Variants in MUC5B observed in about 807,000 individuals in gnomAD.
MUC5B encodes mucin-5B.
Under a neutral mutation model 376.9 loss-of-function variants are expected in MUC5B, and 116 were observed. The ratio of observed to expected loss-of-function variants is 0.31; its 90% confidence interval spans 0.26 to 0.36. The LOEUF is 0.36. MUC5B is among the 10% of genes least tolerant of loss of function. The pLI, the probability that MUC5B is intolerant of heterozygous loss-of-function variation, is 1.00. For missense variants in MUC5B, 7,165 were observed against 7,769.9 expected, an observed-to-expected ratio of 0.92 and a Z score of 2.93; for synonymous variants, 3,517 against 3,390.9, an observed-to-expected ratio of 1.04 and a Z score of -1.29.
rs989785199 is a variant in MUC5B at position 1,252,374 on chromosome 11, C to G, written c.14895C>G (p.Ala4965=). 3.2e-6 allele frequency: 5 copies of G among 1,585,148 alleles called. No individual in the cohort carries two copies. The highest frequency in any genetic ancestry group is 4.3e-6 in the Non-Finnish European group (5 of 1,165,920). The stretch of plus-strand genomic sequence containing the variant: ...TCATCTACAATAAGACCGACCGAGC[C>G]GGCTGCCATTTCTACGCAGTGTGCA... ...GEVIYNKTDR[A]GCHFYAVCNQ... Residue 4965 remains alanine (A), a synonymous_variant, in exon 32 of 49, where the codon GCC becomes GCG. Coordinates refer to ENST00000529681, the MANE Select transcript of MUC5B (RefSeq NM_002458.3).
chr11:1,247,036 A>G lies in MUC5B; in HGVS notation c.10156A>G (p.Thr3386Ala). The change falls in exon 31 of 49, where the codon ACT becomes GCT. Residue 3386 changes from threonine to alanine, a missense_variant. Thr to Ala is a moderately conservative substitution (Grantham distance 58). Coordinates refer to ENST00000529681, the MANE Select transcript of MUC5B (RefSeq NM_002458.3). ...TPSSSTQTSG[T>A]PPSLTTTATT... Reference sequence around the variant, plus strand: ...CTCCTCTAGCACACAGACCAGTGGTACTCCCCCATCACTGACCACCACGGC... The same window carrying G: ...CTCCTCTAGCACACAGACCAGTGGTGCTCCCCCATCACTGACCACCACGGC... 6.4e-7 allele frequency: 1 copy of G among 1,551,880 alleles called. No individual in the cohort carries two copies. Among genetic ancestry groups the G allele is most frequent in the Non-Finnish European group, 8.7e-7 (1 of 1,147,750 alleles).
rs748514926 is a variant in MUC5B at position 1,259,772 on chromosome 11, G to T, written c.16730G>T (p.Arg5577Ile). The T allele has an allele frequency of 2.9e-5, 46 of 1,612,450 alleles. No individual in the cohort carries two copies. Among genetic ancestry groups the T allele is most frequent in the Non-Finnish European group, 3.6e-5 (43 of 1,179,678 alleles). The change falls in exon 45 of 49, where the codon AGA (arginine) becomes ATA (isoleucine). Residue 5577 changes from arginine (R) to isoleucine (I), a missense_variant. By Grantham distance (97) the Arg-to-Ile change is moderately conservative (BLOSUM62 -3). This residue lies in a region of MUC5B where 842 missense variants were observed against 1,016.9 expected (regional missense o/e 0.83). Coordinates refer to ENST00000529681, the MANE Select transcript of MUC5B (RefSeq NM_002458.3). ...TCCCCACAGGGCTTTGAGTACAAGA[G>T]AGTGGCCGGGCAGTGCTGTGGGGAG... The part of the protein sequence containing the change: ...TTCPQGFEYK[R>I]VAGQCCGECV...
Position 1,251,579 on chromosome 11 carries a change from T to C in MUC5B, c.14699T>C (p.Val4900Ala). Reference protein sequence around the residue: ...TASTVPSSSTVGTTRTPAVLP... With the variant: ...TASTVPSSSTAGTTRTPAVLP... ...TCCACGGTTCCCAGCTCGTCCACCGTGGGGACCACCCGCACCCCTGCAGTG... is the reference window on the plus strand; with the variant it reads ...TCCACGGTTCCCAGCTCGTCCACCGCGGGGACCACCCGCACCCCTGCAGTG... The change falls in exon 31 of 49, where the codon GTG (valine) becomes GCG (alanine). Residue 4900 changes from valine to alanine, a missense_variant. Coordinates refer to ENST00000529681, the MANE Select transcript of MUC5B (RefSeq NM_002458.3). 6.2e-7 allele frequency: 1 copy of C among 1,612,870 alleles called. No homozygotes were observed. Among genetic ancestry groups the C allele is most frequent in the Non-Finnish European group, 8.5e-7 (1 of 1,179,782 alleles).
intron 48 of MUC5B, 98 bp from the exon 49 acceptor site, chr11:1,261,291 G>A (rs745918689): frequency 7.1e-5 from 78 of 1,101,334 alleles, no homozygotes; most frequent in South Asian, 2.1e-4. Flanking sequence ...GGGGGCGGCC[G>A]TCTGGCCCAG....
chr11:1,255,108 G>C lies in MUC5B; in HGVS notation c.15732G>C (p.Lys5244Asn). ...ACGGAACCACTGCCGCCAGTTGCAA[G>C]GACATGGCCAAGACGTGGCTGGTCC... ...QRDGTTAASC[K>N]DMAKTWLVPD... The change falls in exon 36 of 49, where the codon AAG becomes AAC. Residue 5244 changes from lysine to asparagine, a missense_variant. Transcript: ENST00000529681. 1 of 1,589,042 alleles carries C rather than the reference G, an allele frequency of 6.3e-7. No homozygotes were observed. The highest frequency in any genetic ancestry group is 8.6e-7 in the Non-Finnish European group (1 of 1,168,962).
rs777275907 is a variant in MUC5B, at chr11:1,227,012, G to A, written c.462-19G>A. ...GCCAGGAGAGCGGGGCCCAGGGAGA[G>A]ACCCCGCTGTCTGCGCAGGGAGGAG... On this transcript the variant is annotated intron_variant, in intron 4 of 48. Transcript: ENST00000529681. 2.5e-6 allele frequency: 4 copies of A among 1,597,158 alleles called. No individual in the cohort carries two copies. Among genetic ancestry groups the A allele is most frequent in the Non-Finnish European group, 3.4e-6 (4 of 1,171,080 alleles).
At position 1,241,955 on chromosome 11, in the gene MUC5B, C is replaced by T. The variant is rs201139728; in HGVS notation, c.5075C>T (p.Thr1692Ile). 5 of 1,605,304 alleles carry T rather than the reference C, an allele frequency of 3.1e-6. No homozygotes were observed. The highest frequency in any genetic ancestry group is 4.3e-6 in the Non-Finnish European group (5 of 1,176,292). The change falls in exon 31 of 49, where the codon ACC becomes ATC. Residue 1692 changes from threonine (T) to isoleucine (I), a missense_variant. This residue lies in a region of MUC5B where 897 missense variants were observed against 779.6 expected (regional missense o/e 1.15). Transcript: ENST00000529681. The stretch of plus-strand genomic sequence containing the variant: ...ACTGTCCCAGGGGTGGCCACATCCA[C>T]CCTTCCAACACGCTCAGCCCTTCCA... ...EPTVPGVATS[T>I]LPTRSALPGT...
intron 17 of MUC5B, 92 bp downstream of exon 17, chr11:1,232,862 A>C (rs908231354): frequency 2.7e-6 from 4 of 1,477,008 alleles, no homozygotes; most frequent in African/African-American, 2.8e-5. Context: ...CACGGTTCTC[A>C]GCCCAGAGCT....
Position 1,257,629 on chromosome 11 carries a change from C to T in MUC5B, c.16369C>T (p.Pro5457Ser), listed in dbSNP as rs750155843. The change falls in exon 41 of 49, where the codon CCC (proline) becomes TCC (serine). Residue 5457 changes from proline (P) to serine (S), a missense_variant. Physicochemically the swap from Pro to Ser is moderately conservative, Grantham distance 74 (BLOSUM62 -1). Coordinates refer to ENST00000529681, the MANE Select transcript of MUC5B (RefSeq NM_002458.3). The surrounding 1 kb of genome is among the most constrained non-coding windows in gnomAD (Gnocchi z 8.9). ...CCTGCCCTGTGACGCCCAGGGTCAG[C>T]CCCCGCCGTGCAACCGTCCCGGCTT... is the stretch of plus-strand genomic sequence containing the variant. ...KPLPCDAQGQPPPCNRPGFVT... is the reference protein window; with the variant it reads ...KPLPCDAQGQSPPCNRPGFVT... 3.1e-6 allele frequency: 5 copies of T among 1,600,612 alleles called. No homozygotes were observed. The highest frequency in any genetic ancestry group is 2.2e-5 in the South Asian group (2 of 90,632).
At chr11:1,260,167 G>A in intron 46 of MUC5B, 82 bp downstream of exon 46, 4 of 1,541,640 alleles carry the variant, frequency 2.6e-6, no homozygotes, top group Non-Finnish European at 2.6e-6. Context: ...GCCCTGCACA[G>A]CAGGGAGGCC....
Position 1,241,199 on chromosome 11 carries a change from C to T in MUC5B, c.4319C>T (p.Thr1440Ile). The part of the protein sequence containing the change: ...VPCGPSPAPG[T>I]SPQPSLSAST... ...TGTGGCCCCTCCCCGGCCCCAGGCA[C>T]CAGCCCTCAGCCCTCCCTCAGTGCC... Residue 1440 changes from threonine to isoleucine, a missense_variant, in exon 31 of 49, where the codon ACC (threonine) becomes ATC (isoleucine). Coordinates refer to ENST00000529681, the MANE Select transcript of MUC5B (RefSeq NM_002458.3). 4 of 1,594,522 alleles carry T rather than the reference C, an allele frequency of 2.5e-6. No individual in the cohort carries two copies. Among genetic ancestry groups the T allele is most frequent in the Non-Finnish European group, 3.4e-6 (4 of 1,170,942 alleles).
At chr11:1,232,240 C>A in intron 15 of MUC5B, 80 bp downstream of exon 15, 2 of 1,469,708 alleles carry the variant, frequency 1.4e-6, no homozygotes, top group South Asian at 1.4e-5. Context: ...GCCACGGGGA[C>A]CCCTGGGTGG....
At position 1,248,640 on chromosome 11, in the gene MUC5B, C is replaced by T. The variant is rs1322895740; in HGVS notation, c.11760C>T (p.Thr3920=). 6.4e-7 allele frequency: 1 copy of T among 1,570,210 alleles called. No homozygotes were observed. The highest frequency in any genetic ancestry group is 1.4e-5 in the African/African-American group (1 of 73,930). The change falls in exon 31 of 49, where the codon ACC becomes ACT. Residue 3920 remains threonine, a synonymous_variant. Coordinates refer to ENST00000529681, the MANE Select transcript of MUC5B (RefSeq NM_002458.3). The part of the protein sequence containing the change: ...PGTTHTPTVL[T]TTTTTVATGS... ...CCACCCACACCCCCACAGTGCTGACCACCACCACCACAACTGTGGCCACTG... is the reference window on the plus strand; with the variant it reads ...CCACCCACACCCCCACAGTGCTGACTACCACCACCACAACTGTGGCCACTG...
intron 35 of MUC5B, 32 bp downstream of exon 35, chr11:1,254,912 G>T: frequency 6.3e-7 from 1 of 1,594,144 alleles, no homozygotes; most frequent in Non-Finnish European, 8.5e-7. Context: ...CCCCGGCCAG[G>T]GCTGCTGCTG....
rs1230839756 is a variant in MUC5B at position 1,250,367 on chromosome 11, C to T, written c.13487C>T (p.Thr4496Ile). ...TTPTVTSSKA[T>I]PSSSPGTATA... ...CCCACAGTCACCAGCTCCAAAGCCACTCCCTCCTCCAGTCCAGGGACTGCA... is the reference window on the plus strand; with the variant it reads ...CCCACAGTCACCAGCTCCAAAGCCATTCCCTCCTCCAGTCCAGGGACTGCA... The change falls in exon 31 of 49, where the codon ACT (threonine) becomes ATT (isoleucine). Residue 4496 changes from threonine to isoleucine, a missense_variant. By Grantham distance (89) the Thr-to-Ile change is moderately conservative. Transcript: ENST00000529681. The T allele has an allele frequency of 3.7e-6, 6 of 1,613,590 alleles. No homozygotes were observed. The highest frequency in any genetic ancestry group is 5.1e-6 in the Non-Finnish European group (6 of 1,179,734).
rs56726556 is a variant in MUC5B at position 1,243,401 on chromosome 11, A to G, written c.6521A>G (p.Asn2174Ser). Residue 2174 changes from asparagine to serine, a missense_variant, in exon 31 of 49, where the codon AAC (asparagine) becomes AGC (serine). Asn to Ser is a conservative substitution (Grantham distance 46, BLOSUM62 1). Around this residue, in one of 31 missense-constraint regions of MUC5B, gnomAD observed 67 missense variants for 103.0 expected, o/e 0.65. Transcript: ENST00000529681. ...TTATTPAATS[N>S]TVTPSSALGT... Reference sequence around the variant, plus strand: ...GCCACCACACCTGCAGCCACCAGCAACACAGTGACTCCCTCCTCTGCCCTA... The same window carrying G: ...GCCACCACACCTGCAGCCACCAGCAGCACAGTGACTCCCTCCTCTGCCCTA... 0.22 allele frequency: 275,208 copies of G among 1,234,076 alleles called. 73,240 individuals carry two copies. Among genetic ancestry groups the G allele is most frequent in the East Asian group, 0.59 (22,225 of 37,574 alleles). The allele number at this position is 1,234,076 out of a possible 1,614,324, so 76.4% of individuals were successfully genotyped here. A position where few individuals can be genotyped will look rare whatever the true frequency, so the allele number is the denominator to read the frequency against.
At position 1,249,825 on chromosome 11, in the gene MUC5B, C is replaced by T; in HGVS notation, c.12945C>T (p.Ala4315=). 1 of 1,613,630 alleles carries T rather than the reference C, an allele frequency of 6.2e-7. No homozygotes were observed. The highest frequency in any genetic ancestry group is 8.5e-7 in the Non-Finnish European group (1 of 1,179,750). Residue 4315 remains alanine, a synonymous_variant, in exon 31 of 49, where the codon GCC becomes GCT. Transcript: ENST00000529681. ...CCCTTCCAGTGCTGACAAGCACAGCCACCAAATCCACAGCTACCAGCGTTA... is the reference window on the plus strand; with the variant it reads ...CCCTTCCAGTGCTGACAAGCACAGCTACCAAATCCACAGCTACCAGCGTTA... The part of the protein sequence containing the change: ...ATTLPVLTST[A]TKSTATSVTP...
chr11:1,249,728 C>G lies in MUC5B; in HGVS notation c.12848C>G (p.Thr4283Ser), dbSNP rs778755880. 13 of 1,611,018 alleles carry G rather than the reference C, an allele frequency of 8.1e-6. No homozygotes were observed. Among genetic ancestry groups the G allele is most frequent in the Admixed American group, 5.0e-5 (3 of 59,940 alleles). The change falls in exon 31 of 49, where the codon ACC becomes AGC. Residue 4283 changes from threonine (T) to serine (S), a missense_variant. Thr to Ser is a moderately conservative substitution (Grantham distance 58). Transcript: ENST00000529681. ...ACAGCTCCCCCTCCCAAAGTGCTGA[C>G]CAGCCCGGCCACCACACCCACAGCC... ...PGTAPPPKVL[T>S]SPATTPTATS...
rs916393955 is a variant in MUC5B at position 1,248,286 on chromosome 11, G to A, written c.11406G>A (p.Leu3802=). Residue 3802 remains leucine, a synonymous_variant, in exon 31 of 49, where the codon CTG becomes CTA. Transcript: ENST00000529681. ...TSFTAIPSSS[L]GTTWTRLSQT... ...TTACAGCCATCCCCTCCTCCTCCCT[G>A]GGCACCACCTGGACCCGCCTATCAC... The A allele has an allele frequency of 1.7e-5, 27 of 1,583,596 alleles. No homozygotes were observed. Among genetic ancestry groups the A allele is most frequent in the Non-Finnish European group, 2.2e-5 (25 of 1,158,310 alleles).
Sources: gnomAD v4.1 joint callset for allele counts on GRCh38, gnomAD v4.1.1 for gene constraint, gnomAD v4.1.1 regional missense constraint, Gnocchi (gnomAD v3.1) non-coding constraint, MANE v1.5 for transcripts, NCBI Gene and HGNC (gene_info 2026-07-23, HGNC 2026-07-21) for gene names.